ZFPM2: variants seen among roughly 807,000 people sequenced by gnomAD.
The protein encoded by ZFPM2 is zinc finger protein ZFPM2.
Under a neutral mutation model 98.6 loss-of-function variants are expected in ZFPM2, and 20 were observed. That is an observed-to-expected ratio of 0.20 (90% CI 0.14 to 0.29). The LOEUF is 0.29. ZFPM2 is among the 10% of genes least tolerant of loss of function. The probability of loss-of-function intolerance (pLI) is 1.00; values close to 1 mark genes in which losing one functional copy is unlikely to be tolerated. For missense variants in ZFPM2, 1,310 were observed against 1,388.6 expected, an observed-to-expected ratio of 0.94 and a Z score of 0.90; for synonymous variants, 518 against 502.7, an observed-to-expected ratio of 1.03 and a Z score of -0.41.
rs555112681 is a variant in ZFPM2 at position 105,570,930 on chromosome 8, C to G, written c.420+9449C>G. On this transcript the variant is annotated intron_variant, in intron 4 of 7. Coordinates refer to ENST00000407775, the MANE Select transcript of ZFPM2 (RefSeq NM_012082.4). ...ATTTTTACAAGATTATTCATTGTTC[C>G]CTTTTCCCAGAACTCCAAGGAGAAC... Among the ~76,000 whole-genome samples the G allele has an allele frequency of 2.0e-5, 3 of 152,206 alleles. No individual in the cohort carries two copies. The South Asian group carries it at 6.2e-4, about 32-fold the overall frequency.
chr8:105,542,991 A>G (rs374757470), intron 3 of ZFPM2, among the ~76,000 whole-genome samples: 49 of 152,288 alleles, frequency 3.2e-4, no homozygotes, highest in South Asian at 1.9e-3. Context: ...AAGGTGGGTC[A>G]TTAGGTTGTT....
At position 105,625,501 on chromosome 8, in the gene ZFPM2, G is replaced by A. The variant is rs751419524; in HGVS notation, c.421-8745G>A. Among the ~76,000 whole-genome samples, 8 of 151,980 alleles carry A rather than the reference G, an allele frequency of 5.3e-5. No homozygotes were observed. The South Asian group carries it at 8.3e-4, about 16-fold the overall frequency. On this transcript the variant is annotated intron_variant, in intron 4 of 7. Coordinates refer to ENST00000407775, the MANE Select transcript of ZFPM2 (RefSeq NM_012082.4). ...TCAATAGAATCACAAGATTTTAATT[G>A]AAGCAAGTGACATGGCTCGCTGTGT... is the stretch of plus-strand genomic sequence containing the variant.
At position 105,616,394 on chromosome 8, in the gene ZFPM2, C is replaced by A. The variant is rs557184513; in HGVS notation, c.421-17852C>A. On this transcript the variant is annotated intron_variant, in intron 4 of 7. Transcript: ENST00000407775. Reference sequence around the variant, plus strand: ...GTAAAGTTTTCTCCCCAGGAACAATCTATTTACTAGATACAAAGTAAAAAG... The same window carrying A: ...GTAAAGTTTTCTCCCCAGGAACAATATATTTACTAGATACAAAGTAAAAAG... Among the ~76,000 whole-genome samples, 20 of 152,128 alleles carry A rather than the reference C, an allele frequency of 1.3e-4. 2 individuals carry two copies. The South Asian group carries it at 4.2e-3, about 32-fold the overall frequency.
intron 3 of ZFPM2, among the ~76,000 whole-genome samples, chr8:105,487,912 A>G (rs1311950736): frequency 2.3e-5 from 2 of 85,654 alleles, no homozygotes; most frequent in African/African-American, 7.8e-5. Flanking sequence ...CTATCTATCT[A>G]TCTATCTATC....
At chr8:105,389,177 C>T (rs1050005426) in intron 1 of ZFPM2, among the ~76,000 whole-genome samples, 2 of 151,792 alleles carry the variant, frequency 1.3e-5, no homozygotes, top group Non-Finnish European at 2.9e-5. Context: ...AGGAGAAGGC[C>T]TAAGGCGACC....
intron 5 of ZFPM2, among the ~76,000 whole-genome samples, chr8:105,781,791 T>C (rs1813259723): frequency 6.6e-6 from 1 of 152,190 alleles, no homozygotes. Flanking sequence ...ATATTGTAGC[T>C]ATGCATTTAA....
At chr8:105,488,479 C>T (rs1813281941) in intron 3 of ZFPM2, among the ~76,000 whole-genome samples, 1 of 152,040 alleles carries the variant, frequency 6.6e-6, no homozygotes, top group South Asian at 2.1e-4. Context: ...GGTTAAGTAA[C>T]AGCCGGGCGC....
At chr8:105,431,938 ATG>A (rs930761086) in intron 2 of ZFPM2, among the ~76,000 whole-genome samples, 1 of 151,982 alleles carries the variant, frequency 6.6e-6, no homozygotes, top group Non-Finnish European at 1.5e-5. Context: ...AAGAAAAAGA[ATG>A]TGACACTTAA....
intron 5 of ZFPM2, among the ~76,000 whole-genome samples, chr8:105,675,281 A>C (rs1400232576): frequency 6.6e-6 from 1 of 152,170 alleles, no homozygotes; most frequent in Non-Finnish European, 1.5e-5. Flanking sequence ...GTAATTTGGA[A>C]ACTTGTGCAC....
chr8:105,776,972 T>C (rs1456917508), intron 5 of ZFPM2, among the ~76,000 whole-genome samples: 1 of 152,238 alleles, frequency 6.6e-6, no homozygotes, highest in Admixed American at 6.5e-5. Context: ...TGAGCATCTC[T>C]ATCCATTTAT....
chr8:105,390,591 G>A (rs544485970), intron 1 of ZFPM2, among the ~76,000 whole-genome samples: 29 of 152,102 alleles, frequency 1.9e-4, no homozygotes, highest in Admixed American at 1.4e-3. Flanking sequence ...CCACTCCCCC[G>A]TATCCTCCTC....
chr8:105,484,905 GTCCC>G, intron 3 of ZFPM2, among the ~76,000 whole-genome samples: 1 of 152,052 alleles, frequency 6.6e-6, no homozygotes, highest in African/African-American at 2.4e-5. Flanking sequence ...GGTGTTTTTG[GTCCC>G]AACTTATTAA....
At chr8:105,442,560 G>A (rs555084099) in intron 2 of ZFPM2, among the ~76,000 whole-genome samples, 4 of 152,216 alleles carry the variant, frequency 2.6e-5, no homozygotes, top group African/African-American at 7.2e-5. Flanking sequence ...TGATAGTTCT[G>A]AAAGGAAAAA....
chr8:105,433,016 C>T (rs1286354393), intron 2 of ZFPM2, among the ~76,000 whole-genome samples: 1 of 151,972 alleles, frequency 6.6e-6, no homozygotes, highest in African/African-American at 2.4e-5. Flanking sequence ...AGGAGGATTG[C>T]TTGAGCCCAG....
Position 105,660,656 on chromosome 8 carries a change from T to C in ZFPM2, c.532+26299T>C, listed in dbSNP as rs73301236. On this transcript the variant is annotated intron_variant, in intron 5 of 7. Coordinates refer to ENST00000407775, the MANE Select transcript of ZFPM2 (RefSeq NM_012082.4). ...ATGTACAGACAAACATGCTCTTCTT[T>C]AATAACTATGCTAAATTTGCTAATT... Among the ~76,000 whole-genome samples, 775 of 152,298 alleles carry C rather than the reference T, an allele frequency of 5.1e-3. 6 individuals carry two copies. Among genetic ancestry groups the C allele is most frequent in the African/African-American group, 0.018 (741 of 41,562 alleles).
intron 5 of ZFPM2, among the ~76,000 whole-genome samples, chr8:105,751,768 G>A (rs140562870): frequency 2.4e-3 from 364 of 151,548 alleles, no homozygotes; most frequent in African/African-American, 8.0e-3. Context: ...ATGGTGCTGT[G>A]GTAGATTTGA....
chr8:105,469,055 G>T (rs1812847938), intron 3 of ZFPM2, among the ~76,000 whole-genome samples: 1 of 151,956 alleles, frequency 6.6e-6, no homozygotes, highest in Non-Finnish European at 1.5e-5. Context: ...TGATGGGGCA[G>T]CCCAGAGAGC....
At chr8:105,766,224 G>T (rs893278136) in intron 5 of ZFPM2, among the ~76,000 whole-genome samples, 1 of 151,834 alleles carries the variant, frequency 6.6e-6, no homozygotes, top group South Asian at 2.1e-4. Context: ...CCTGTTTTTC[G>T]TTAACTATGA....
Position 105,801,298 on chromosome 8 carries a change from G to C in ZFPM2, c.1216G>C (p.Asp406His), listed in dbSNP as rs1459399450. 1 of 1,613,748 alleles carries C rather than the reference G, an allele frequency of 6.2e-7. No homozygotes were observed. The change falls in exon 8 of 8, where the codon GAC (aspartate) becomes CAC (histidine). Residue 406 changes from aspartate to histidine, a missense_variant. Coordinates refer to ENST00000407775, the MANE Select transcript of ZFPM2 (RefSeq NM_012082.4). ...GGAACACTCTCCAAGTGCAACTGAA[G>C]ACAGCTTACAGCCAGCCACAGACTT... ...DMEHSPSATE[D>H]SLQPATDLLT...
Sources: allele counts gnomAD v4.1 joint callset (sites outside exome capture counted in the v4.1 genomes callset), GRCh38; gene constraint gnomAD v4.1.1; transcripts MANE v1.5; gene names NCBI Gene and HGNC (gene_info 2026-07-23, HGNC 2026-07-21).